TGFBR3: variants seen among roughly 807,000 people sequenced by gnomAD.
TGFBR3 encodes transforming growth factor beta receptor 3.
In TGFBR3, 46 loss-of-function variants were observed where a neutral mutation model predicts 87.9. That is an observed-to-expected ratio of 0.52 (90% CI 0.41 to 0.67). TGFBR3 has a LOEUF of 0.67. TGFBR3 is among the 30% of genes least tolerant of loss of function. The probability of loss-of-function intolerance (pLI) is 0.00; values close to 1 mark genes in which losing one functional copy is unlikely to be tolerated. For synonymous variants in TGFBR3, 381 were observed against 391.6 expected (o/e 0.97, Z 0.32); for missense variants, 866 against 1,041.9 (o/e 0.83, Z 2.32).
chr1:91,864,969 G>A (rs548192705), intron 1 of TGFBR3, among the ~76,000 whole-genome samples: 5 of 152,100 alleles, frequency 3.3e-5, no homozygotes, highest in East Asian at 1.9e-4. Context: ...TTGGGAGGCC[G>A]AGCTGGGCAG....
intron 8 of TGFBR3, among the ~76,000 whole-genome samples, chr1:91,720,582 C>A (rs1265601967): frequency 6.6e-6 from 1 of 152,194 alleles, no homozygotes; most frequent in African/African-American, 2.4e-5. Flanking sequence ...GTACCCCAAA[C>A]AATTTAAACT....
intron 2 of TGFBR3, among the ~76,000 whole-genome samples, chr1:91,840,794 C>G (rs1677245033): frequency 6.6e-6 from 1 of 150,888 alleles, no homozygotes; most frequent in African/African-American, 2.4e-5. Flanking sequence ...CTTGAACTAA[C>G]AGGTTCACTT....
At chr1:91,859,203 A>G (rs1478578263) in intron 2 of TGFBR3, among the ~76,000 whole-genome samples, 1 of 152,128 alleles carries the variant, frequency 6.6e-6, no homozygotes, top group African/African-American at 2.4e-5. Context: ...AGCAAAACTG[A>G]TTCACTATCA....
chr1:91,799,879 A>T (rs1288078796), intron 2 of TGFBR3, among the ~76,000 whole-genome samples: 1 of 152,156 alleles, frequency 6.6e-6, no homozygotes, highest in East Asian at 1.9e-4. Context: ...AGAGGGAGGG[A>T]ACTAGTGCCA....
At chr1:91,685,679 CCTCTACT>C (rs1333851834) in intron 16 of TGFBR3, among the ~76,000 whole-genome samples, 1 of 152,122 alleles carries the variant, frequency 6.6e-6, no homozygotes, top group Non-Finnish European at 1.5e-5. Flanking sequence ...CCAGCACTGC[CCTCTACT>C]CTTCATGTGT....
At chr1:91,770,441 T>C (rs1245242067) in intron 3 of TGFBR3, among the ~76,000 whole-genome samples, 1 of 152,202 alleles carries the variant, frequency 6.6e-6, no homozygotes, top group Admixed American at 6.5e-5. Flanking sequence ...AACTACAGCA[T>C]ACTATTTCTA....
chr1:91,720,228 C>G lies in TGFBR3; in HGVS notation c.1078G>C (p.Glu360Gln). The G allele has an allele frequency of 1.3e-6, 2 of 1,586,584 alleles. No individual in the cohort carries two copies. Among genetic ancestry groups the G allele is most frequent in the African/African-American group, 1.3e-5 (1 of 74,492 alleles). Residue 360 changes from glutamate (E) to glutamine (Q), a missense_variant and splice_region_variant, in exon 9 of 17, where the codon GAG (glutamate) becomes CAG (glutamine). Transcript: ENST00000212355. ...RFHLRLENNA[E>Q]EMGDEEVHTI... ...TGGACTTCCTCATCTCCCATCTCCT[C>G]TGCTGGTGAAAGAAGAAGGCAAAAC...
Position 91,797,389 on chromosome 1 carries a change from A to G in TGFBR3, c.144T>C (p.Val48=). ...PVQALMESFT[V]LSGCASRGTT... ...TGCCTCTGCTGGCACAGCCTGACAA[A>G]ACAGTGAAGCTCTCCATCAAGGCCT... Residue 48 remains valine, a synonymous_variant, in exon 3 of 17, where the codon GTT becomes GTC. Transcript: ENST00000212355. The G allele has an allele frequency of 6.2e-7, 1 of 1,614,224 alleles. No homozygotes were observed. The highest frequency in any genetic ancestry group is 8.5e-7 in the Non-Finnish European group (1 of 1,180,044).
At chr1:91,854,740 G>A (rs571724806) in intron 2 of TGFBR3, among the ~76,000 whole-genome samples, 261 of 152,150 alleles carry the variant, frequency 1.7e-3, no homozygotes, top group Middle Eastern at 3.4e-3. Context: ...TTGTCAAGAG[G>A]TGCTAAGGGT....
At chr1:91,780,884 T>TACACACACACACACAC (rs56862200) in intron 3 of TGFBR3, among the ~76,000 whole-genome samples, 5 of 132,658 alleles carry the variant, frequency 3.8e-5, no homozygotes, top group Admixed American at 2.3e-4. Context: ...ACTAGAGAAC[T>TACACACACACACACAC]ACACACACAC....
At chr1:91,898,552 T>A (rs1211096644) in intron 2 of TGFBR3, among the ~76,000 whole-genome samples, 1 of 152,114 alleles carries the variant, frequency 6.6e-6, no homozygotes, top group African/African-American at 2.4e-5. Context: ...TTCTCCTGCC[T>A]CAGCCTCCTG....
intron 1 of TGFBR3, among the ~76,000 whole-genome samples, chr1:91,882,026 G>A (rs936049090): frequency 1.1e-4 from 15 of 141,268 alleles, no homozygotes; most frequent in African/African-American, 2.6e-4. Context: ...ACGACAGAGC[G>A]AAACTTTGTC....
intron 2 of TGFBR3, among the ~76,000 whole-genome samples, chr1:91,844,040 C>G (rs1018884741): frequency 2.0e-5 from 3 of 152,218 alleles, no homozygotes; most frequent in African/African-American, 4.8e-5. Flanking sequence ...AAAGGCACAA[C>G]ATCCAATCTT....
intron 3 of TGFBR3, chr1:91,786,194 C>A (rs1192929930): frequency 4.4e-6 from 2 of 456,130 alleles, no homozygotes; most frequent in Non-Finnish European, 8.8e-6. Context: ...ACCTAGCACA[C>A]AGTGGGTTCT....
At chr1:91,719,805 AAG>A in intron 9 of TGFBR3, 86 bp downstream of exon 9, 2 of 1,465,870 alleles carry the variant, frequency 1.4e-6, no homozygotes, top group Non-Finnish European at 9.5e-7. Flanking sequence ...TCAAAAATGA[AAG>A]AGATAGGGAG....
chr1:91,902,409 G>A (rs550704568), intron 1 of TGFBR3, among the ~76,000 whole-genome samples: 33 of 151,954 alleles, frequency 2.2e-4, no homozygotes, highest in African/African-American at 6.5e-4. Flanking sequence ...CTCCGTAGCT[G>A]AGATGACAGA....
intron 1 of TGFBR3, among the ~76,000 whole-genome samples, chr1:91,885,366 G>C (rs1375479516): frequency 7.2e-6 from 1 of 139,720 alleles, no homozygotes; most frequent in African/African-American, 2.6e-5. Flanking sequence ...CCGGGGCGGG[G>C]GGGGGCCGAG....
At chr1:91,763,268 C>T (rs1475395649) in intron 3 of TGFBR3, among the ~76,000 whole-genome samples, 3 of 152,114 alleles carry the variant, frequency 2.0e-5, no homozygotes, top group African/African-American at 4.8e-5. Context: ...TTCATTAAAA[C>T]GAACGAAAAA....
At chr1:91,791,881 G>A (rs1675206243) in intron 3 of TGFBR3, among the ~76,000 whole-genome samples, 1 of 152,170 alleles carries the variant, frequency 6.6e-6, no homozygotes, top group African/African-American at 2.4e-5. Flanking sequence ...CAGGAGACAC[G>A]CAGTCTTCAC....
Sources: allele counts gnomAD v4.1 joint callset (sites outside exome capture counted in the v4.1 genomes callset), GRCh38; gene constraint gnomAD v4.1.1; transcripts MANE v1.5; gene names NCBI Gene and HGNC (gene_info 2026-07-23, HGNC 2026-07-21).